The following MROH7 variants were observed in gnomAD, a reference collection of about 807,000 sequenced individuals.
MROH7 encodes the protein maestro heat like repeat family member 7.
MROH7 carries 113 observed loss-of-function variants against 129.2 expected under a neutral mutation model. The observed-to-expected ratio is 0.87, with a 90% CI of 0.75 to 1.02. The LOEUF (loss-of-function observed/expected upper bound fraction) is 1.02. Ranked by LOEUF, MROH7 falls within the 50% of genes least tolerant of loss-of-function variation. MROH7 has a pLI of 0.00. For synonymous variants in MROH7, 655 were observed against 667.9 expected, an observed-to-expected ratio of 0.98 and a Z score of 0.30; for missense variants, 1,601 against 1,671.3, an observed-to-expected ratio of 0.96 and a Z score of 0.73.
chr1:54,701,946 C>T (rs753635664), intron 19 of MROH7, 144 bp from the exon 20 acceptor site: 54 of 625,544 alleles, frequency 8.6e-5, no homozygotes, highest in Non-Finnish European at 1.3e-4. Flanking sequence ...ACTCAGGTGC[C>T]TTTTAGGTTA....
chr1:54,684,203 T>G (rs1283594665), intron 14 of MROH7, among the ~76,000 whole-genome samples: 1 of 152,152 alleles, frequency 6.6e-6, no homozygotes, highest in African/African-American at 2.4e-5. Flanking sequence ...AAAGGTACAG[T>G]AGATGAAGGA....
chr1:54,669,046 C>A (rs535601990), intron 5 of MROH7, 109 bp downstream of exon 5: 5 of 755,128 alleles, frequency 6.6e-6, no homozygotes, highest in Non-Finnish European at 1.1e-5. Context: ...AGGAAGAGGA[C>A]GGGATGAGGA....
chr1:54,646,081 GT>G (rs1256525263), intron 1 of MROH7, among the ~76,000 whole-genome samples: 16 of 152,354 alleles, frequency 1.1e-4, no homozygotes, highest in Admixed American at 7.2e-4. Flanking sequence ...CGGGGCTCCT[GT>G]TTATTCCTGC....
chr1:54,678,998 C>T (rs1645025668), intron 11 of MROH7, 144 bp downstream of exon 11: 2 of 714,974 alleles, frequency 2.8e-6, no homozygotes, highest in Admixed American at 4.7e-5. Context: ...TGAGTGCCCT[C>T]CTCCTCCAGT....
In MROH7 at chr1:54,670,583, A is replaced by G. The variant is rs914689430; in HGVS notation, c.1469+7A>G. On this transcript the variant is annotated splice_region_variant and intron_variant, in intron 6 of 23. Coordinates refer to ENST00000421030, the MANE Select transcript of MROH7 (RefSeq NM_001039464.4). ...AGATCCTGACCCAGCTGAGGTGTCC[A>G]TGGCCCTCTCCCTGTTCCCACAGCC... 1.9e-6 allele frequency: 3 copies of G among 1,610,096 alleles called. No individual in the cohort carries two copies. Among genetic ancestry groups the G allele is most frequent in the African/African-American group, 2.7e-5 (2 of 74,752 alleles).
At chr1:54,657,582 G>T (rs1292151198) in intron 3 of MROH7, among the ~76,000 whole-genome samples, 1 of 151,448 alleles carries the variant, frequency 6.6e-6, no homozygotes, top group Non-Finnish European at 1.5e-5. Flanking sequence ...TCGCTATGTT[G>T]CCCAGGCTGG....
At chr1:54,685,109 C>T (rs889073902) in intron 14 of MROH7, among the ~76,000 whole-genome samples, 2 of 152,056 alleles carry the variant, frequency 1.3e-5, no homozygotes, top group Non-Finnish European at 2.9e-5. Flanking sequence ...CTCCACCTCC[C>T]GGGTTGCAGT....
At chr1:54,673,006 C>T (rs1437998523) in intron 7 of MROH7, 85 bp from the exon 8 acceptor site, 7 of 904,812 alleles carry the variant, frequency 7.7e-6, no homozygotes, top group Non-Finnish European at 1.2e-5. Context: ...ATTCCCCCTC[C>T]TCCCCTGACC....
Position 54,701,296 on chromosome 1 carries a change from C to T in MROH7, c.3259C>T (p.Gln1087Ter). ...MDSAVYVEML[Q>*]ILLPHFSDAR... ...CAGTGCGGTCTATGTGGAGATGCTG[C>T]AGATCCTGCTGCCGCACTTCAGCGA... The change falls in exon 19 of 24, where the codon CAG (glutamine) becomes TAG (stop). Residue 1087 changes from glutamine to a stop codon, truncating the protein, a stop_gained. Coordinates refer to ENST00000421030, the MANE Select transcript of MROH7 (RefSeq NM_001039464.4). LOFTEE classifies it high-confidence loss of function. The T allele has an allele frequency of 1.2e-6, 2 of 1,600,798 alleles. No homozygotes were observed. Among genetic ancestry groups the T allele is most frequent in the Non-Finnish European group, 1.7e-6 (2 of 1,170,938 alleles).
Position 54,684,691 on chromosome 1 carries a change from C to T in MROH7, c.2521-1567C>T, listed in dbSNP as rs1191728895. On this transcript the variant is annotated intron_variant, in intron 14 of 23. Coordinates refer to ENST00000421030, the MANE Select transcript of MROH7 (RefSeq NM_001039464.4). ...TTGGGCTGCTGGAAAAGTACAAGGG[C>T]TTTGAGTCCAAGAGACTTGTCTTAG... 3.9e-5 allele frequency among the ~76,000 whole-genome samples: 6 copies of T among 152,208 alleles called. No homozygotes were observed. The East Asian group carries it at 1.2e-3, about 29-fold the overall frequency.
At chr1:54,667,335 T>G (rs1288177619) in intron 4 of MROH7, among the ~76,000 whole-genome samples, 1 of 152,120 alleles carries the variant, frequency 6.6e-6, no homozygotes, top group African/African-American at 2.4e-5. Context: ...AAAAGTTCAC[T>G]CTGGGATAGG....
chr1:54,653,649 C>G lies in MROH7; in HGVS notation c.723C>G (p.Ile241Met), dbSNP rs1199136348. ...CTCCAGATTCTCATGGGACCCTAAT[C>G]CCAGACACAAATGAGACCATCACTT... is the stretch of plus-strand genomic sequence containing the variant. Reference protein sequence around the residue: ...NVAPDSHGTLIPDTNETITLA... With the variant: ...NVAPDSHGTLMPDTNETITLA... The change falls in exon 3 of 24, where the codon ATC (isoleucine) becomes ATG (methionine). Residue 241 changes from isoleucine (I) to methionine (M), a missense_variant. Physicochemically the swap from Ile to Met is conservative, Grantham distance 10. Coordinates refer to ENST00000421030, the MANE Select transcript of MROH7 (RefSeq NM_001039464.4). 8 of 1,614,152 alleles carry G rather than the reference C, an allele frequency of 5.0e-6. No individual in the cohort carries two copies. In the East Asian group the frequency reaches 1.1e-4, roughly 22 times the overall value.
At chr1:54,668,755 TG>T in intron 4 of MROH7, 98 bp from the exon 5 acceptor site, 1 of 790,540 alleles carries the variant, frequency 1.3e-6, no homozygotes, top group East Asian at 2.5e-5. Context: ...CTGGCTTGCC[TG>T]TAGGTGTCGG....
chr1:54,656,908 C>A (rs1294316430), intron 3 of MROH7, among the ~76,000 whole-genome samples: 1 of 151,964 alleles, frequency 6.6e-6, no homozygotes. Context: ...ACCGTCTAGG[C>A]CAGCACAATG....
Position 54,665,108 on chromosome 1 carries a change from A to T in MROH7, c.1232-59A>T. 5 of 1,356,482 alleles carry T rather than the reference A, an allele frequency of 3.7e-6. 1 individual carries two copies. In the South Asian group the frequency reaches 6.0e-5, roughly 16 times the overall value. The allele number at this position is 1,356,482 out of a possible 1,614,324, so 84.0% of individuals were successfully genotyped here. Reference sequence around the variant, plus strand: ...AGAGGGGGAGGAGAGAGATGGCATGATGGCATCCTAGGTACATCACAGCTT... The same window carrying T: ...AGAGGGGGAGGAGAGAGATGGCATGTTGGCATCCTAGGTACATCACAGCTT... On this transcript the variant is annotated intron_variant, in intron 3 of 23. Transcript: ENST00000421030.
At position 54,700,364 on chromosome 1, in the gene MROH7, C is replaced by T; in HGVS notation, c.3008C>T (p.Ser1003Phe). ...EQVRRIPEEY[S>F]LGRMAEGLSH... ...GTGCGCCGGATCCCCGAGGAATACT[C>T]TCTGGGGCGGATGGCAGAAGGCCTG... The change falls in exon 18 of 24, where the codon TCT becomes TTT. Residue 1003 changes from serine (S) to phenylalanine (F), a missense_variant. Coordinates refer to ENST00000421030, the MANE Select transcript of MROH7 (RefSeq NM_001039464.4). The T allele has an allele frequency of 1.2e-6, 2 of 1,614,136 alleles. No homozygotes were observed. The highest frequency in any genetic ancestry group is 1.3e-5 in the African/African-American group (1 of 75,062).
At chr1:54,680,498 G>T (rs1386429013) in intron 13 of MROH7, among the ~76,000 whole-genome samples, 2 of 152,180 alleles carry the variant, frequency 1.3e-5, no homozygotes, top group Non-Finnish European at 2.9e-5. Context: ...AGAAGGAAAT[G>T]ATCCCTGCAA....
chr1:54,682,529 C>T (rs1645086526), intron 13 of MROH7, 127 bp from the exon 14 acceptor site: 6 of 873,220 alleles, frequency 6.9e-6, no homozygotes, highest in Non-Finnish European at 8.9e-6. Context: ...CTGGACTATT[C>T]CTTGCAGGTG....
At chr1:54,690,868 A>G (rs966044529) in intron 15 of MROH7, among the ~76,000 whole-genome samples, 1 of 152,186 alleles carries the variant, frequency 6.6e-6, no homozygotes, top group Non-Finnish European at 1.5e-5. Context: ...TCTGGAGCTC[A>G]ATCTGTGCCC....
Sources: allele counts gnomAD v4.1 joint callset (sites outside exome capture counted in the v4.1 genomes callset), GRCh38; gene constraint gnomAD v4.1.1; transcripts MANE v1.5; gene names NCBI Gene and HGNC (gene_info 2026-07-23, HGNC 2026-07-21).